Variants in CUL3 observed in about 807,000 individuals in gnomAD.
CUL3 encodes the protein cullin-3.
In CUL3, 19 loss-of-function variants were observed where a neutral mutation model predicts 89.1. The ratio of observed to expected loss-of-function variants is 0.21; its 90% CI spans 0.15 to 0.31. CUL3 has a LOEUF of 0.31. Ranked by LOEUF, CUL3 falls within the 10% of genes least tolerant of loss-of-function variation. CUL3 has a pLI of 1.00. For synonymous variants in CUL3, 351 were observed against 308.4 expected (o/e 1.14, Z -1.45); for missense variants, 469 against 942.3 (o/e 0.50, Z 6.58).
At position 224,584,942 on chromosome 2, in the gene CUL3, A is replaced by G; in HGVS notation, c.66+2T>C. On this transcript the variant is annotated splice_donor_variant, in intron 1 of 15. Transcript: ENST00000264414. LOFTEE classifies it high-confidence loss of function. ...GGTCCCGGACGCCGAGGAGAGACTC[A>G]CCGGAAAGGCCCGGATCCGCATCTT... 6.7e-7 allele frequency: 1 copy of G among 1,482,186 alleles called. No individual in the cohort carries two copies. Among genetic ancestry groups the G allele is most frequent in the Non-Finnish European group, 9.1e-7 (1 of 1,104,348 alleles). 91.8% of individuals were successfully genotyped at this position (1,482,186 alleles called of 1,614,324 possible). A position where few individuals can be genotyped will look rare whatever the true frequency, so the allele number is the denominator to read the frequency against.
chr2:224,535,934 T>C (rs1451402326), intron 2 of CUL3, among the ~76,000 whole-genome samples: 1 of 152,162 alleles, frequency 6.6e-6, no homozygotes. Flanking sequence ...TATATTCTTA[T>C]AGTAAGTTAC....
intron 15 of CUL3, 68 bp downstream of exon 15, chr2:224,478,132 G>T (rs755496492): frequency 9.7e-6 from 14 of 1,442,494 alleles, no homozygotes; most frequent in Non-Finnish European, 1.3e-5. Context: ...AAAATTAGTT[G>T]AATACAATAA....
chr2:224,543,949 C>T (rs1461250216), intron 2 of CUL3, among the ~76,000 whole-genome samples: 1 of 152,016 alleles, frequency 6.6e-6, no homozygotes, highest in Non-Finnish European at 1.5e-5. Flanking sequence ...CATGCCACTA[C>T]ACTCCAGCTA....
chr2:224,478,218 G>A lies in CUL3; in HGVS notation c.2157C>T (p.His719=), dbSNP rs1409140384. ...RIMKSRKKMQ[H]NVLVAEVTQQ... The stretch of plus-strand genomic sequence containing the variant: ...TCCTCACCTCCGCTACTAGAACATT[G>A]TGCTGCATCTTCTTTCTAGATTTCA... The change falls in exon 15 of 16, where the codon CAC becomes CAT. Residue 719 remains histidine (H), a synonymous_variant. Transcript: ENST00000264414. 6.8e-6 allele frequency: 11 copies of A among 1,612,994 alleles called. No individual in the cohort carries two copies. The highest frequency in any genetic ancestry group is 9.3e-6 in the Non-Finnish European group (11 of 1,179,472).
At chr2:224,507,063 C>CAGTATTATAGCG in intron 6 of CUL3, 60 bp from the exon 7 acceptor site, 2 of 1,506,654 alleles carry the variant, frequency 1.3e-6, no homozygotes, top group Non-Finnish European at 1.8e-6. Flanking sequence ...ACACGAATCT[C>CAGTATTATAGCG]TGTTCACGCT....
chr2:224,506,820 T>G, intron 7 of CUL3, 38 bp downstream of exon 7: 1 of 1,602,306 alleles, frequency 6.2e-7, no homozygotes. Flanking sequence ...TCAAAATGCC[T>G]TTATCATAAA....
intron 15 of CUL3, among the ~76,000 whole-genome samples, chr2:224,476,047 G>A (rs1401597393): frequency 3.3e-5 from 5 of 150,524 alleles, no homozygotes; most frequent in Admixed American, 1.3e-4. Flanking sequence ...TTTTTGAGAT[G>A]GAGTCTCGCT....
At chr2:224,506,252 A>G in intron 7 of CUL3, 120 bp from the exon 8 acceptor site, 2 of 649,044 alleles carry the variant, frequency 3.1e-6, no homozygotes, top group Non-Finnish European at 2.5e-6. Context: ...TCATTTTTAA[A>G]CTTACAGTTT....
chr2:224,542,030 A>G (rs1307571404), intron 2 of CUL3, among the ~76,000 whole-genome samples: 1 of 152,150 alleles, frequency 6.6e-6, no homozygotes, highest in African/African-American at 2.4e-5. Flanking sequence ...ATAAAGGCCA[A>G]TTTTATTATA....
intron 13 of CUL3, among the ~76,000 whole-genome samples, chr2:224,493,627 G>C (rs1010677919): frequency 2.6e-5 from 4 of 152,168 alleles, no homozygotes; most frequent in African/African-American, 7.2e-5. Flanking sequence ...GGAAAAGCTT[G>C]AACCACTAAA....
intron 2 of CUL3, among the ~76,000 whole-genome samples, chr2:224,541,096 G>GA (rs1574674258): frequency 6.6e-6 from 1 of 151,412 alleles, no homozygotes. Flanking sequence ...ATTTATAAAA[G>GA]AAAAAATGCT....
chr2:224,581,393 C>G (rs1260669024), intron 1 of CUL3, among the ~76,000 whole-genome samples: 1 of 140,634 alleles, frequency 7.1e-6, no homozygotes, highest in Non-Finnish European at 1.5e-5. Flanking sequence ...GAGTTTCCAT[C>G]TCAAAAAAAA....
chr2:224,513,720 A>G, intron 4 of CUL3, 82 bp from the exon 5 acceptor site: 1 of 946,752 alleles, frequency 1.1e-6, no homozygotes, highest in Non-Finnish European at 1.6e-6. Flanking sequence ...AGTAGGTAAA[A>G]ATATCTTCAG....
Position 224,478,069 on chromosome 2 carries a change from T to C in CUL3, c.2175+131A>G, listed in dbSNP as rs1213502964. Reference sequence around the variant, plus strand: ...ATGTTTAGTTACCAAGTGAGTGCCATACATTTCATAAGTGTTACATCACTA... The same window carrying C: ...ATGTTTAGTTACCAAGTGAGTGCCACACATTTCATAAGTGTTACATCACTA... On this transcript the variant is annotated intron_variant, in intron 15 of 15. Coordinates refer to ENST00000264414, the MANE Select transcript of CUL3 (RefSeq NM_003590.5). The C allele has an allele frequency of 4.6e-6, 4 of 862,806 alleles. No individual in the cohort carries two copies. The East Asian group carries it at 8.2e-5, about 18-fold the overall frequency. 53.4% of individuals were successfully genotyped at this position (862,806 alleles called of 1,614,324 possible).
intron 3 of CUL3, among the ~76,000 whole-genome samples, chr2:224,529,010 A>G (rs1261785181): frequency 1.3e-5 from 2 of 152,210 alleles, no homozygotes; most frequent in Non-Finnish European, 2.9e-5. Flanking sequence ...ACAGAAGATC[A>G]AGATAGGAAA....
intron 2 of CUL3, among the ~76,000 whole-genome samples, chr2:224,555,448 T>C (rs994763246): frequency 6.6e-6 from 1 of 152,184 alleles, no homozygotes; most frequent in Non-Finnish European, 1.5e-5. Context: ...CCTCATAATA[T>C]GCTGCCACAT....
Position 224,584,998 on chromosome 2 carries a change from C to G in CUL3, c.12G>C (p.Leu4=), listed in dbSNP as rs781698494. 3 of 1,510,324 alleles carry G rather than the reference C, an allele frequency of 2.0e-6. No individual in the cohort carries two copies. Among genetic ancestry groups the G allele is most frequent in the Non-Finnish European group, 2.7e-6 (3 of 1,118,538 alleles). 93.6% of individuals were successfully genotyped at this position (1,510,324 alleles called of 1,614,324 possible). MSN[L]SKGTGSRKDT... is the part of the protein sequence containing the mutation. Reference sequence around the variant, plus strand: ...CCTTCCGGCTGCCCGTGCCTTTGCTCAGATTCGACATGGTGCTCGTCCCCT... The same window carrying G: ...CCTTCCGGCTGCCCGTGCCTTTGCTGAGATTCGACATGGTGCTCGTCCCCT... Residue 4 remains leucine, a synonymous_variant, in exon 1 of 16, where the codon CTG becomes CTC. Transcript: ENST00000264414.
chr2:224,475,004 T>A (rs1271581047), intron 15 of CUL3, among the ~76,000 whole-genome samples: 1 of 152,184 alleles, frequency 6.6e-6, no homozygotes, highest in Non-Finnish European at 1.5e-5. Context: ...ATTTTGCATG[T>A]ATGAGTTTAT....
intron 1 of CUL3, among the ~76,000 whole-genome samples, chr2:224,566,327 GTTTATC>G (rs1695039166): frequency 6.6e-6 from 1 of 152,172 alleles, no homozygotes; most frequent in Non-Finnish European, 1.5e-5. Flanking sequence ...GGCAGCTAGT[GTTTATC>G]TTTTCTCTTC....
Sources: gnomAD v4.1 joint callset for allele counts (sites outside exome capture counted in the v4.1 genomes callset) on GRCh38, gnomAD v4.1.1 for gene constraint, MANE v1.5 for transcripts, NCBI Gene and HGNC (gene_info 2026-07-23, HGNC 2026-07-21) for gene names.